ATIC: variants seen among roughly 807,000 people sequenced by gnomAD.
ATIC encodes the protein bifunctional purine biosynthesis protein ATIC.
A neutral mutation model predicts 72.5 loss-of-function variants in ATIC; 64 were observed. That is an observed-to-expected ratio of 0.88 (90% CI 0.72 to 1.09). The LOEUF (loss-of-function observed/expected upper bound fraction) is 1.09, where lower values mean the gene tolerates loss of function less well. Ranked by LOEUF, ATIC falls within the 50% of genes least tolerant of loss-of-function variation. The pLI is 0.00. For synonymous variants in ATIC, 281 were observed against 267.1 expected (o/e 1.05, Z -0.51); for missense variants, 787 against 732.4 (o/e 1.07, Z -0.86).
chr2:215,346,169 T>G (rs1019382942), intron 13 of ATIC, among the ~76,000 whole-genome samples: 11 of 152,192 alleles, frequency 7.2e-5, no homozygotes, highest in African/African-American at 2.6e-4. Context: ...TTTATTTATT[T>G]ATTTTTTATA....
the ATIC span, chr2:215,362,318 C>G: frequency 1.9e-5 from 10 of 518,780 alleles, no homozygotes; most frequent in African/African-American, 1.7e-4. Flanking sequence ...CCTGAAATGT[C>G]TCTTCTCTTC....
intron 2 of ATIC, among the ~76,000 whole-genome samples, chr2:215,315,471 C>A (rs2052698541): frequency 6.6e-6 from 1 of 152,012 alleles, no homozygotes; most frequent in African/African-American, 2.4e-5. Context: ...ATCCTTCCAC[C>A]TCAGCCTCCT....
intron 2 of ATIC, among the ~76,000 whole-genome samples, chr2:215,317,759 G>C (rs1439065214): frequency 6.6e-6 from 1 of 152,082 alleles, no homozygotes; most frequent in Non-Finnish European, 1.5e-5. Context: ...AAAGTGCTGG[G>C]TTTACAGCCA....
At chr2:215,318,349 T>TA in intron 3 of ATIC, 116 bp downstream of exon 3, 1 of 1,016,068 alleles carries the variant, frequency 9.8e-7, no homozygotes, top group Non-Finnish European at 1.5e-6. Context: ...CATATAAAGT[T>TA]AATGTTATGA....
At chr2:215,346,204 C>T (rs1406750942) in intron 13 of ATIC, among the ~76,000 whole-genome samples, 1 of 152,042 alleles carries the variant, frequency 6.6e-6, no homozygotes, top group African/African-American at 2.4e-5. Flanking sequence ...CTCTGTTGCC[C>T]AGGCCAGAGT....
In ATIC at chr2:215,332,428, C is replaced by T. The variant is rs556427086; in HGVS notation, c.735C>T (p.Asn245=). 4.3e-6 allele frequency: 7 copies of T among 1,614,044 alleles called. No individual in the cohort carries two copies. The highest frequency in any genetic ancestry group is 2.2e-5 in the South Asian group (2 of 91,088). The change falls in exon 8 of 16, where the codon AAC becomes AAT. Residue 245 remains asparagine (N), a synonymous_variant. Transcript: ENST00000236959. Reference sequence around the variant, plus strand: ...TTATAAACTTGTGCGATGCTTTGAACGCCTGGCAGCTGGTGAAGGAACTCA... The same window carrying T: ...TTATAAACTTGTGCGATGCTTTGAATGCCTGGCAGCTGGTGAAGGAACTCA... ...PGFINLCDAL[N]AWQLVKELKE...
At chr2:215,342,693 T>C (rs1005871963) in intron 12 of ATIC, among the ~76,000 whole-genome samples, 1 of 152,244 alleles carries the variant, frequency 6.6e-6, no homozygotes, top group Non-Finnish European at 1.5e-5. Flanking sequence ...TTTTTGTCTT[T>C]TGGGGAAACA....
At chr2:215,317,453 G>T (rs1000222793) in intron 2 of ATIC, among the ~76,000 whole-genome samples, 48 of 152,082 alleles carry the variant, frequency 3.2e-4, no homozygotes, top group African/African-American at 1.1e-3. Context: ...AGTCTTTTAT[G>T]TCTTCACTCA....
At chr2:215,348,967 A>C (rs77950312) in intron 14 of ATIC, 127 bp from the exon 15 acceptor site, 1 of 779,040 alleles carries the variant, frequency 1.3e-6, no homozygotes, top group Non-Finnish European at 1.8e-6. Context: ...AAAAAAAAAA[A>C]ATAATAATAA....
At chr2:215,317,708 C>T (rs1408285704) in intron 2 of ATIC, among the ~76,000 whole-genome samples, 2 of 152,250 alleles carry the variant, frequency 1.3e-5, no homozygotes, top group East Asian at 3.9e-4. Flanking sequence ...AGGCTGGTCT[C>T]AAACTCCCCT....
chr2:215,325,574 T>C (rs1283285563), intron 5 of ATIC, among the ~76,000 whole-genome samples: 1 of 152,070 alleles, frequency 6.6e-6, no homozygotes, highest in Non-Finnish European at 1.5e-5. Flanking sequence ...TTTATTTTTA[T>C]TTTTTTGAGA....
chr2:215,362,120 A>G, the ATIC span: 1 of 1,439,504 alleles, frequency 6.9e-7, no homozygotes. Flanking sequence ...GGTTTATGAT[A>G]ACCTGAGGAC....
chr2:215,354,074 C>G (rs1024326126), downstream of ATIC, among the ~76,000 whole-genome samples: 9 of 152,058 alleles, frequency 5.9e-5, no homozygotes, highest in Admixed American at 2.0e-4. Flanking sequence ...GATGCCCAGG[C>G]TGGAGTGCAG....
chr2:215,365,771 A>C, the ATIC span: 19 of 509,524 alleles, frequency 3.7e-5, no homozygotes, highest in Non-Finnish European at 4.0e-5. Context: ...AACCCCTATA[A>C]TGGGCCATTT....
intron 13 of ATIC, among the ~76,000 whole-genome samples, chr2:215,346,458 G>A (rs1173918222): frequency 9.2e-5 from 14 of 151,656 alleles, no homozygotes; most frequent in African/African-American, 3.4e-4. Context: ...AGTGCACCCA[G>A]CATTGGTCAT....
intron 7 of ATIC, among the ~76,000 whole-genome samples, chr2:215,327,441 C>T (rs1349059503): frequency 1.3e-5 from 2 of 152,044 alleles, no homozygotes; most frequent in Admixed American, 6.5e-5. Flanking sequence ...ATCTAGAAGC[C>T]CAATTGAAGT....
At chr2:215,347,537 G>A in intron 14 of ATIC, 1 of 481,210 alleles carries the variant, frequency 2.1e-6, no homozygotes, top group Non-Finnish European at 4.1e-6. Context: ...CTAACAAAAT[G>A]CTGGATGGAA....
At chr2:215,349,508 G>A (rs368330474) in intron 15 of ATIC, 28 bp from the exon 16 acceptor site, 16 of 1,614,092 alleles carry the variant, frequency 9.9e-6, no homozygotes, top group Middle Eastern at 3.3e-4. Flanking sequence ...ATAAAATCGC[G>A]TTTTGAAAAT....
chr2:215,359,797 C>T, the ATIC span, among the ~76,000 whole-genome samples: 1 of 151,792 alleles, frequency 6.6e-6, no homozygotes, highest in Non-Finnish European at 1.5e-5. Flanking sequence ...ATATTCTTTG[C>T]CAGGTGTTTA....
Sources: allele counts gnomAD v4.1 joint callset (sites outside exome capture counted in the v4.1 genomes callset), GRCh38; gene constraint gnomAD v4.1.1; transcripts MANE v1.5; gene names NCBI Gene and HGNC (gene_info 2026-07-23, HGNC 2026-07-21).